Variants in KAZN observed in about 807,000 individuals in gnomAD.
KAZN encodes kazrin.
In KAZN, 40 loss-of-function variants were observed where a neutral mutation model predicts 87.4. The ratio of observed to expected loss-of-function variants is 0.46; its 90% CI spans 0.36 to 0.60. The LOEUF (loss-of-function observed/expected upper bound fraction) is 0.60, where lower values mean the gene tolerates loss of function less well. KAZN is among the 20% of genes least tolerant of loss of function. The pLI is 0.00. For missense variants in KAZN, 898 were observed against 1,073.9 expected (o/e 0.84, Z 2.29); for synonymous variants, 466 against 458.3 (o/e 1.02, Z -0.22).
Position 14,185,944 on chromosome 1 carries a change from G to A in KAZN, c.249+5352G>A, listed in dbSNP as rs1232953249. ...TCAGTGTTTGGTGCGCCAAGACACA[G>A]GTCGAGTTGGAAATGAGACTCAGAA... On this transcript the variant is annotated intron_variant, in intron 2 of 16. Coordinates refer to the KAZN transcript ENST00000636203. Among the ~76,000 whole-genome samples, 5 of 152,164 alleles carry A rather than the reference G, an allele frequency of 3.3e-5. 1 individual carries two copies. The highest frequency in any genetic ancestry group is 3.3e-4 in the Admixed American group (5 of 15,286).
intron 4 of KAZN, among the ~76,000 whole-genome samples, chr1:15,054,274 C>T (rs1056518370): frequency 5.3e-5 from 8 of 152,108 alleles, no homozygotes; most frequent in African/African-American, 9.7e-5. Flanking sequence ...ACCCCGGAAA[C>T]GTCCATGTTC....
At chr1:14,431,380 C>A (rs1447700661) in intron 2 of KAZN, among the ~76,000 whole-genome samples, 2 of 152,198 alleles carry the variant, frequency 1.3e-5, no homozygotes, top group Non-Finnish European at 1.5e-5. Context: ...AAGTTTTTGG[C>A]TGTTCCAAGC....
At chr1:14,236,291 G>A (rs1450780859) in intron 2 of KAZN, among the ~76,000 whole-genome samples, 1 of 152,098 alleles carries the variant, frequency 6.6e-6, no homozygotes, top group Non-Finnish European at 1.5e-5. Flanking sequence ...TTCAGGGTTG[G>A]GATTAAAGGC....
intron 2 of KAZN, among the ~76,000 whole-genome samples, chr1:14,417,909 T>C (rs933043655): frequency 7.0e-6 from 1 of 143,056 alleles, no homozygotes; most frequent in Non-Finnish European, 1.5e-5. Flanking sequence ...GGCAGGAGAA[T>C]GGCGTGAACC....
chr1:14,998,176 C>T (rs998727169), intron 2 of KAZN, among the ~76,000 whole-genome samples: 3 of 152,122 alleles, frequency 2.0e-5, no homozygotes, highest in Non-Finnish European at 4.4e-5. Flanking sequence ...GCGGGGGGTG[C>T]TCCCCTGCTG....
chr1:15,082,390 G>C (rs894642520), intron 8 of KAZN, among the ~76,000 whole-genome samples: 1 of 152,224 alleles, frequency 6.6e-6, no homozygotes, highest in Admixed American at 6.5e-5. Flanking sequence ...CCAGGGAGGT[G>C]CCAATGTGCT....
At chr1:15,087,404 T>TC (rs1640309714) in intron 8 of KAZN, among the ~76,000 whole-genome samples, 1 of 152,030 alleles carries the variant, frequency 6.6e-6, no homozygotes, top group African/African-American at 2.4e-5. Context: ...TTTTTCTTTT[T>TC]TTTTTTTTGA....
chr1:14,501,426 A>G (rs1249175725), intron 2 of KAZN, among the ~76,000 whole-genome samples: 1 of 152,210 alleles, frequency 6.6e-6, no homozygotes, highest in Non-Finnish European at 1.5e-5. Context: ...TGTAAGATAC[A>G]AGATCAATCT....
At chr1:14,786,042 T>C (rs1207513785) in intron 1 of KAZN, among the ~76,000 whole-genome samples, 1 of 152,142 alleles carries the variant, frequency 6.6e-6, no homozygotes, top group Non-Finnish European at 1.5e-5. Context: ...GTGACCTCCT[T>C]ATGGGTGTGT....
chr1:14,629,243 G>A (rs369872799), intron 1 of KAZN, among the ~76,000 whole-genome samples: 1 of 152,304 alleles, frequency 6.6e-6, no homozygotes, highest in East Asian at 1.9e-4. Flanking sequence ...AGGTGTTGGG[G>A]TTGGCGTGTG....
intron 1 of KAZN, among the ~76,000 whole-genome samples, chr1:14,940,467 A>T (rs994951433): frequency 1.3e-5 from 2 of 152,180 alleles, no homozygotes; most frequent in African/African-American, 4.8e-5. Context: ...GACAGCCACC[A>T]TGGCACGGGG....
At chr1:14,702,326 C>CTGTG (rs3222186) in intron 1 of KAZN, among the ~76,000 whole-genome samples, 8,624 of 133,282 alleles carry the variant, frequency 0.065, 332 homozygotes, top group Middle Eastern at 0.12. Context: ...TTTTGCAAAA[C>CTGTG]TGTGTGTGTG....
chr1:14,833,571 A>AC lies in KAZN; in HGVS notation c.227-127105dup, dbSNP rs539060125. The stretch of plus-strand genomic sequence containing the variant: ...AGGGAAAGTAGGGTATCCGTCCTCT[A>AC]CCCCCCCCAGGCCCTCATCATAAGC... On this transcript the variant is annotated intron_variant, in intron 1 of 14. Coordinates refer to ENST00000376030, the MANE Select transcript of KAZN (RefSeq NM_201628.3). 7.1e-4 allele frequency among the ~76,000 whole-genome samples: 107 copies of AC among 151,502 alleles called. 1 individual carries two copies. Among genetic ancestry groups the AC allele is most frequent in the Non-Finnish European group, 1.1e-3 (75 of 67,794 alleles).
intron 2 of KAZN, among the ~76,000 whole-genome samples, chr1:14,497,918 C>T (rs1670035901): frequency 1.3e-5 from 2 of 152,146 alleles, no homozygotes; most frequent in Admixed American, 1.3e-4. Context: ...TAATTCCTTG[C>T]CCATGGTCTC....
chr1:15,052,913 G>A (rs1288808028), intron 4 of KAZN, among the ~76,000 whole-genome samples: 2 of 152,226 alleles, frequency 1.3e-5, no homozygotes, highest in South Asian at 2.1e-4. Context: ...CCCCGCCTGG[G>A]AGAAGGAAGC....
At chr1:14,937,431 A>G (rs1299775474) in intron 1 of KAZN, among the ~76,000 whole-genome samples, 1 of 151,952 alleles carries the variant, frequency 6.6e-6, no homozygotes, top group Non-Finnish European at 1.5e-5. Context: ...ATCAGTTGCC[A>G]CCTCTTAGGT....
At chr1:14,210,514 A>C (rs561635857) in intron 2 of KAZN, among the ~76,000 whole-genome samples, 1 of 152,284 alleles carries the variant, frequency 6.6e-6, no homozygotes, top group South Asian at 2.1e-4. Flanking sequence ...ATGGGGTCTA[A>C]ACCTTCTCCC....
At chr1:14,333,691 T>C (rs985304929) in intron 2 of KAZN, among the ~76,000 whole-genome samples, 2 of 152,136 alleles carry the variant, frequency 1.3e-5, no homozygotes, top group Admixed American at 6.5e-5. Flanking sequence ...AGAAACAGCA[T>C]GGACATGGAT....
intron 2 of KAZN, among the ~76,000 whole-genome samples, chr1:14,418,991 C>T (rs758991960): frequency 1.1e-4 from 17 of 152,186 alleles, no homozygotes; most frequent in Non-Finnish European, 2.2e-4. Flanking sequence ...TTCTAGCCTG[C>T]CATTCGGATA....
Sources: gnomAD v4.1 joint callset for allele counts (sites outside exome capture counted in the v4.1 genomes callset) on GRCh38, gnomAD v4.1.1 for gene constraint, MANE v1.5 for transcripts, NCBI Gene and HGNC (gene_info 2026-07-23, HGNC 2026-07-21) for gene names.